The following CPEB3 variants were observed in gnomAD, a reference collection of about 807,000 sequenced individuals.
CPEB3 encodes cytoplasmic polyadenylation element binding protein 3, also known as cytoplasmic polyadenylation element-binding protein 3.
Under a neutral mutation model 67.2 loss-of-function variants are expected in CPEB3, and 20 were observed. The ratio of observed to expected loss-of-function variants is 0.30; its 90% CI spans 0.21 to 0.43. The LOEUF is 0.43. CPEB3 is among the 20% of genes least tolerant of loss of function. CPEB3 has a pLI of 1.00. For synonymous variants in CPEB3, 376 were observed against 393.1 expected (o/e 0.96, Z 0.51); for missense variants, 746 against 968.6 (o/e 0.77, Z 3.05).
intron 3 of CPEB3, among the ~76,000 whole-genome samples, chr10:92,181,871 T>C (rs982071572): frequency 6.6e-5 from 10 of 152,228 alleles, no homozygotes; most frequent in Non-Finnish European, 4.4e-5. Context: ...CAGAAACAGA[T>C]GCTTCAACTA....
chr10:92,195,667 A>G (rs1371532201), intron 2 of CPEB3, among the ~76,000 whole-genome samples: 1 of 152,218 alleles, frequency 6.6e-6, no homozygotes, highest in East Asian at 1.9e-4. Flanking sequence ...ATAGACTGAC[A>G]TGGTAAGGGA....
At chr10:92,136,948 C>CA (rs1393182571) in intron 6 of CPEB3, 1 of 179,334 alleles carries the variant, frequency 5.6e-6, no homozygotes, top group African/African-American at 2.4e-5. Context: ...AGATTGTTGA[C>CA]AGTTTTGATG....
chr10:92,162,878 T>G (rs1847558391), intron 4 of CPEB3, among the ~76,000 whole-genome samples: 2 of 152,166 alleles, frequency 1.3e-5, no homozygotes, highest in African/African-American at 4.8e-5. Context: ...AGAACCTTTT[T>G]AGGTTCACAG....
chr10:92,149,182 T>C (rs1846840925), intron 4 of CPEB3, among the ~76,000 whole-genome samples: 1 of 152,244 alleles, frequency 6.6e-6, no homozygotes, highest in Non-Finnish European at 1.5e-5. Context: ...ATTATAGGTG[T>C]GAGCCACTGT....
intron 7 of CPEB3, among the ~76,000 whole-genome samples, chr10:92,104,761 A>G (rs749718270): frequency 1.8e-4 from 28 of 152,038 alleles, no homozygotes; most frequent in Non-Finnish European, 3.5e-4. Flanking sequence ...GAAATTCTGG[A>G]CCAATTTGCA....
intron 8 of CPEB3, among the ~76,000 whole-genome samples, chr10:92,085,566 T>C (rs1249349630): frequency 1.3e-5 from 2 of 152,178 alleles, no homozygotes; most frequent in Non-Finnish European, 2.9e-5. Context: ...GAATATAAGC[T>C]TCAATTATGG....
chr10:92,151,778 C>A (rs932551523), intron 4 of CPEB3, among the ~76,000 whole-genome samples: 6 of 152,254 alleles, frequency 3.9e-5, no homozygotes, highest in Admixed American at 3.3e-4. Flanking sequence ...CTTATTTACC[C>A]TCCAAGGTTA....
intron 2 of CPEB3, among the ~76,000 whole-genome samples, chr10:92,231,657 A>G (rs1851273222): frequency 6.6e-6 from 1 of 152,124 alleles, no homozygotes; most frequent in Non-Finnish European, 1.5e-5. Context: ...CCACTACTGT[A>G]TGCTCCCCTC....
chr10:92,276,695 T>G (rs1454071386), intron 1 of CPEB3, among the ~76,000 whole-genome samples: 1 of 152,236 alleles, frequency 6.6e-6, no homozygotes, highest in Non-Finnish European at 1.5e-5. Flanking sequence ...ATTTCTCGGG[T>G]ATATAGCTGT....
At chr10:92,268,871 T>A (rs1853178732) in intron 1 of CPEB3, among the ~76,000 whole-genome samples, 1 of 152,144 alleles carries the variant, frequency 6.6e-6, no homozygotes, top group South Asian at 2.1e-4. Context: ...TTGGAAACAC[T>A]ACGAAACCAA....
intron 8 of CPEB3, among the ~76,000 whole-genome samples, chr10:92,082,116 ATAG>A (rs2133220803): frequency 6.6e-6 from 1 of 152,354 alleles, no homozygotes; most frequent in African/African-American, 2.4e-5. Flanking sequence ...AGTAATGATA[ATAG>A]CCACAATAAA....
intron 1 of CPEB3, among the ~76,000 whole-genome samples, chr10:92,247,188 A>C (rs1292465162): frequency 6.6e-6 from 1 of 152,114 alleles, no homozygotes. Context: ...TTGTTTTTTT[A>C]CTTAACCATA....
intron 1 of CPEB3, among the ~76,000 whole-genome samples, chr10:92,276,735 C>T (rs184702273): frequency 1.3e-5 from 2 of 152,262 alleles, no homozygotes; most frequent in Admixed American, 6.5e-5. Context: ...TATGGTAACT[C>T]TATGTTTAAC....
intron 6 of CPEB3, among the ~76,000 whole-genome samples, chr10:92,141,725 CA>C (rs774670372): frequency 6.1e-4 from 84 of 138,112 alleles, no homozygotes; most frequent in Non-Finnish European, 7.8e-4. Context: ...GAAAACATAC[CA>C]AAAAAAAAAA....
chr10:92,228,608 T>C (rs1024167576), intron 2 of CPEB3, among the ~76,000 whole-genome samples: 2 of 152,096 alleles, frequency 1.3e-5, no homozygotes, highest in Non-Finnish European at 2.9e-5. Flanking sequence ...GGTAGAAAAT[T>C]ATTTGCCTTT....
chr10:92,204,190 A>G (rs1341623199), intron 2 of CPEB3: 2 of 152,156 alleles, frequency 1.3e-5, no homozygotes, highest in Non-Finnish European at 2.9e-5. Context: ...GTTCATTTCA[A>G]TTGCTGTTTG....
At chr10:92,246,333 C>CA (rs1326714900) in intron 1 of CPEB3, among the ~76,000 whole-genome samples, 4 of 122,408 alleles carry the variant, frequency 3.3e-5, no homozygotes, top group Non-Finnish European at 6.9e-5. Flanking sequence ...GACTCCGTCT[C>CA]AAAAACAAAA....
intron 3 of CPEB3, among the ~76,000 whole-genome samples, chr10:92,186,225 CAA>C (rs374713049): frequency 4.4e-5 from 5 of 113,794 alleles, no homozygotes; most frequent in African/African-American, 1.4e-4. Context: ...AAAAAAAATA[CAA>C]AAAAAAAAAA....
intron 4 of CPEB3, among the ~76,000 whole-genome samples, chr10:92,165,174 C>T (rs1272811308): frequency 1.3e-5 from 2 of 152,072 alleles, no homozygotes; most frequent in Non-Finnish European, 2.9e-5. Flanking sequence ...TTGCCTAGCA[C>T]AGTGGCTCAT....
Sources: allele counts gnomAD v4.1 joint callset (sites outside exome capture counted in the v4.1 genomes callset), GRCh38; gene constraint gnomAD v4.1.1; transcripts MANE v1.5; gene names NCBI Gene and HGNC (gene_info 2026-07-23, HGNC 2026-07-21).